STX8: variants seen among roughly 807,000 people sequenced by gnomAD.
The protein encoded by STX8 is syntaxin 8.
A neutral mutation model predicts 37.5 loss-of-function variants in STX8; 23 were observed. That is an observed-to-expected ratio of 0.61 (90% CI 0.44 to 0.87). The LOEUF is 0.87. STX8 is among the 40% of genes least tolerant of loss of function. The probability of loss-of-function intolerance (pLI) is 0.00; values close to 1 mark genes in which losing one functional copy is unlikely to be tolerated. For missense variants in STX8, 313 were observed against 284.7 expected (o/e 1.10, Z -0.71); for synonymous variants, 115 against 99.1 (o/e 1.16, Z -0.95).
chr17:9,487,699 G>T (rs888685280), intron 6 of STX8, among the ~76,000 whole-genome samples: 2 of 152,080 alleles, frequency 1.3e-5, no homozygotes, highest in Non-Finnish European at 2.9e-5. Context: ...TAGCCACCCG[G>T]GTATGAGATG....
At chr17:9,408,836 G>C (rs889240258) in intron 6 of STX8, among the ~76,000 whole-genome samples, 7 of 152,098 alleles carry the variant, frequency 4.6e-5, no homozygotes, top group African/African-American at 1.7e-4. Flanking sequence ...TTCCAGAAAA[G>C]TCTACGTGAG....
At chr17:9,347,144 A>T (rs1175378262) in intron 7 of STX8, among the ~76,000 whole-genome samples, 1 of 151,584 alleles carries the variant, frequency 6.6e-6, no homozygotes, top group Non-Finnish European at 1.5e-5. Flanking sequence ...AAATAAAAAA[A>T]TAAAAAAAAA....
At chr17:9,489,264 T>G (rs1383664272) in intron 6 of STX8, among the ~76,000 whole-genome samples, 2 of 151,986 alleles carry the variant, frequency 1.3e-5, no homozygotes, top group Non-Finnish European at 2.9e-5. Flanking sequence ...AAGCTAATTT[T>G]AAAAATCAAA....
At chr17:9,260,435 C>A (rs927455117) in intron 7 of STX8, among the ~76,000 whole-genome samples, 2 of 152,088 alleles carry the variant, frequency 1.3e-5, no homozygotes, top group South Asian at 2.1e-4. Flanking sequence ...ACCAGCCGGG[C>A]CAACATGGTG....
At chr17:9,288,136 CAAACAAAAA>C (rs1349187157) in intron 7 of STX8, among the ~76,000 whole-genome samples, 67 of 20,746 alleles carry the variant, frequency 3.2e-3, no homozygotes, top group Admixed American at 4.9e-3. Context: ...AACAAACAAA[CAAACAAAAA>C]AAAAAAAAAC....
At chr17:9,356,498 T>G (rs1910884563) in intron 7 of STX8, among the ~76,000 whole-genome samples, 1 of 152,210 alleles carries the variant, frequency 6.6e-6, no homozygotes, top group African/African-American at 2.4e-5. Flanking sequence ...GCTCCACACC[T>G]GCCCTTCTCT....
At chr17:9,446,058 G>A (rs547677054) in intron 6 of STX8, among the ~76,000 whole-genome samples, 5 of 152,110 alleles carry the variant, frequency 3.3e-5, no homozygotes, top group African/African-American at 7.2e-5. Context: ...GGATGGTCTC[G>A]ATCTCCTGGC....
intron 2 of STX8, among the ~76,000 whole-genome samples, chr17:9,565,436 C>T (rs576818873): frequency 4.0e-4 from 61 of 151,680 alleles, no homozygotes; most frequent in Non-Finnish European, 6.8e-4. Context: ...GCCAACATGG[C>T]GAAACCCTCT....
intron 7 of STX8, among the ~76,000 whole-genome samples, chr17:9,351,513 A>C (rs777350687): frequency 5.1e-4 from 78 of 152,232 alleles, no homozygotes; most frequent in Non-Finnish European, 1.0e-3. Flanking sequence ...ATTCTCCAAC[A>C]GAATCATATC....
intron 6 of STX8, among the ~76,000 whole-genome samples, chr17:9,381,952 G>A (rs1055077303): frequency 1.3e-5 from 2 of 151,882 alleles, no homozygotes; most frequent in African/African-American, 2.4e-5. Context: ...CTGGGTGACA[G>A]AGCAAGACTC....
intron 6 of STX8, among the ~76,000 whole-genome samples, chr17:9,388,065 ACT>A (rs1257832720): frequency 1.4e-5 from 2 of 143,478 alleles, no homozygotes; most frequent in East Asian, 4.0e-4. Context: ...TTTCTAAACA[ACT>A]CTATTTTTTT....
chr17:9,464,527 C>T (rs1008878476), intron 6 of STX8, among the ~76,000 whole-genome samples: 14 of 152,072 alleles, frequency 9.2e-5, no homozygotes, highest in Admixed American at 2.0e-4. Flanking sequence ...ACCATGATCA[C>T]GGGTCTCTAG....
intron 6 of STX8, among the ~76,000 whole-genome samples, chr17:9,429,791 A>AT (rs370474654): frequency 8.0e-4 from 15 of 18,656 alleles, no homozygotes; most frequent in African/African-American, 4.1e-3. Flanking sequence ...TATTTTATAT[A>AT]TTATATATAA....
chr17:9,546,819 G>A (rs1472068608), intron 3 of STX8, among the ~76,000 whole-genome samples: 13 of 150,796 alleles, frequency 8.6e-5, no homozygotes, highest in African/African-American at 3.2e-4. Flanking sequence ...GGATGGTCTC[G>A]ATCTCTTGAC....
At chr17:9,439,916 C>T (rs1195432858) in intron 6 of STX8, among the ~76,000 whole-genome samples, 1 of 152,038 alleles carries the variant, frequency 6.6e-6, no homozygotes. Context: ...TTTCAATTCT[C>T]ACCCCAAAAG....
At chr17:9,378,961 C>T (rs1425810161) in intron 6 of STX8, among the ~76,000 whole-genome samples, 1 of 152,050 alleles carries the variant, frequency 6.6e-6, no homozygotes, top group Non-Finnish European at 1.5e-5. Context: ...AAGGAACAGA[C>T]AGGCCAGGCA....
rs11867351 is a variant in STX8 at position 9,430,053 on chromosome 17, C to A, written c.542-51400G>T. ...ATATATTCTATAGAATATATATATT[C>A]TATATAATATATATATTCTATATAA... On this transcript the variant is annotated intron_variant, in intron 6 of 7. Coordinates refer to ENST00000306357, the MANE Select transcript of STX8 (RefSeq NM_004853.3). 6.3e-4 allele frequency among the ~76,000 whole-genome samples: 15 copies of A among 23,806 alleles called. 1 individual carries two copies. The highest frequency in any genetic ancestry group is 1.1e-3 in the South Asian group (1 of 924). 15.6% of individuals were successfully genotyped at this position (23,806 alleles called of 152,430 possible).
intron 5 of STX8, among the ~76,000 whole-genome samples, chr17:9,499,942 G>A (rs527484366): frequency 4.6e-5 from 7 of 152,232 alleles, no homozygotes; most frequent in South Asian, 2.1e-4. Context: ...TACTCTTCCC[G>A]ACTGAAAACA....
At chr17:9,557,721 C>T (rs953726109) in intron 2 of STX8, among the ~76,000 whole-genome samples, 193 bp from the exon 3 acceptor site, 1 of 152,168 alleles carries the variant, frequency 6.6e-6, no homozygotes, top group Admixed American at 6.5e-5. Context: ...TGCCAACCTA[C>T]AGCTTGTACC....
Sources: allele counts gnomAD v4.1 joint callset (sites outside exome capture counted in the v4.1 genomes callset), GRCh38; gene constraint gnomAD v4.1.1; transcripts MANE v1.5; gene names NCBI Gene and HGNC (gene_info 2026-07-23, HGNC 2026-07-21).